ZNRF2: variants seen among roughly 807,000 people sequenced by gnomAD.
The protein encoded by ZNRF2 is E3 ubiquitin-protein ligase ZNRF2.
Under a neutral mutation model 20.4 loss-of-function variants are expected in ZNRF2, and 16 were observed. The ratio of observed to expected loss-of-function variants is 0.79; its 90% CI spans 0.53 to 1.19. The LOEUF is 1.19. Ranked by LOEUF, ZNRF2 falls within the 50% of genes most tolerant of loss-of-function variation. The pLI, the probability that ZNRF2 is intolerant of heterozygous loss-of-function variation, is 0.00. For missense variants in ZNRF2, 363 were observed against 332.4 expected, an observed-to-expected ratio of 1.09 and a Z score of -0.72; for synonymous variants, 178 against 144.9, an observed-to-expected ratio of 1.23 and a Z score of -1.64.
In ZNRF2 at chr7:30,326,509, C is replaced by G. The variant is rs538570980; in HGVS notation, c.565+2772C>G. Among the ~76,000 whole-genome samples the G allele has an allele frequency of 2.6e-5, 4 of 152,190 alleles. No homozygotes were observed. In the East Asian group the frequency reaches 7.7e-4, roughly 29 times the overall value. On this transcript the variant is annotated intron_variant, in intron 2 of 4. Coordinates refer to ENST00000323037, the MANE Select transcript of ZNRF2 (RefSeq NM_147128.4). Reference sequence around the variant, plus strand: ...GTAGTATTCACACGGTATATATGGACCCACATTTTCTTTATCCAGTCTATC... The same window carrying G: ...GTAGTATTCACACGGTATATATGGAGCCACATTTTCTTTATCCAGTCTATC...
chr7:30,297,724 GCTTT>G (rs2128056845), intron 1 of ZNRF2, among the ~76,000 whole-genome samples: 1 of 146,062 alleles, frequency 6.8e-6, no homozygotes, highest in African/African-American at 2.8e-5. Context: ...TGAGTCAGCT[GCTTT>G]CTGTGATTTT....
At chr7:30,359,551 G>A (rs930095063) in intron 3 of ZNRF2, among the ~76,000 whole-genome samples, 1 of 143,826 alleles carries the variant, frequency 7.0e-6, no homozygotes, top group Non-Finnish European at 1.5e-5. Context: ...AACAGCAGAT[G>A]AAAGTATATG....
chr7:30,314,896 A>G (rs969100611), intron 1 of ZNRF2, among the ~76,000 whole-genome samples: 3 of 151,694 alleles, frequency 2.0e-5, no homozygotes, highest in African/African-American at 7.3e-5. Flanking sequence ...GGCTCACTGC[A>G]AGCTCTGCCT....
chr7:30,311,573 C>T (rs1351767990), intron 1 of ZNRF2, among the ~76,000 whole-genome samples: 2 of 152,164 alleles, frequency 1.3e-5, no homozygotes, highest in Non-Finnish European at 2.9e-5. Flanking sequence ...AGACTAACTG[C>T]AGATGTGTTA....
At chr7:30,286,607 GTACTT>G (rs1266994933) in intron 1 of ZNRF2, among the ~76,000 whole-genome samples, 1 of 152,208 alleles carries the variant, frequency 6.6e-6, no homozygotes, top group Non-Finnish European at 1.5e-5. Context: ...GCAAAGTGAT[GTACTT>G]TACTACAGAA....
intron 1 of ZNRF2, among the ~76,000 whole-genome samples, chr7:30,316,729 A>G (rs912251778): frequency 6.6e-6 from 1 of 152,210 alleles, no homozygotes; most frequent in African/African-American, 2.4e-5. Flanking sequence ...CCTTTATAGC[A>G]GAAAGTTTAC....
At chr7:30,323,232 A>G (rs1799502362) in intron 1 of ZNRF2, among the ~76,000 whole-genome samples, 1 of 151,632 alleles carries the variant, frequency 6.6e-6, no homozygotes, top group African/African-American at 2.4e-5. Context: ...GTTTAGCTAT[A>G]AAACTTGTGA....
chr7:30,332,343 A>C (rs550887422), intron 2 of ZNRF2, among the ~76,000 whole-genome samples: 1 of 152,178 alleles, frequency 6.6e-6, no homozygotes, highest in Non-Finnish European at 1.5e-5. Flanking sequence ...TGAGAGGTAA[A>C]CATGCTGTAG....
intron 1 of ZNRF2, among the ~76,000 whole-genome samples, chr7:30,298,439 A>G (rs1488333654): frequency 2.6e-5 from 4 of 152,204 alleles, no homozygotes; most frequent in African/African-American, 4.8e-5. Context: ...CTGTGCATGT[A>G]GTGTCCTCTG....
At chr7:30,286,548 TGACTA>T (rs1798793841) in intron 1 of ZNRF2, among the ~76,000 whole-genome samples, 1 of 152,256 alleles carries the variant, frequency 6.6e-6, no homozygotes. Context: ...AGAGCAGTGT[TGACTA>T]GAGTTAAGGA....
At chr7:30,303,281 A>G (rs1044679182) in intron 1 of ZNRF2, among the ~76,000 whole-genome samples, 3 of 151,162 alleles carry the variant, frequency 2.0e-5, no homozygotes, top group Non-Finnish European at 4.5e-5. Context: ...AAAAAAAGAA[A>G]AAGAAAAAGA....
At chr7:30,324,441 C>T (rs1001186022) in intron 2 of ZNRF2, among the ~76,000 whole-genome samples, 1 of 150,658 alleles carries the variant, frequency 6.6e-6, no homozygotes, top group Non-Finnish European at 1.5e-5. Context: ...CCTAGCTACT[C>T]GGGAGGCTGA....
intron 1 of ZNRF2, among the ~76,000 whole-genome samples, chr7:30,301,499 T>C (rs1799113798): frequency 6.6e-6 from 1 of 151,780 alleles, no homozygotes; most frequent in African/African-American, 2.4e-5. Flanking sequence ...GATAAATAAA[T>C]AAAAGCTAGA....
intron 1 of ZNRF2, among the ~76,000 whole-genome samples, chr7:30,299,987 T>C (rs1198651613): frequency 2.0e-5 from 3 of 151,836 alleles, no homozygotes; most frequent in South Asian, 2.1e-4. Flanking sequence ...GTTTTCACTG[T>C]GTTAGCCAGG....
chr7:30,334,293 C>G (rs574781182), intron 2 of ZNRF2, among the ~76,000 whole-genome samples: 5 of 152,168 alleles, frequency 3.3e-5, no homozygotes, highest in African/African-American at 1.2e-4. Context: ...TGTGGAAGAT[C>G]AGTTGGTTAT....
At chr7:30,361,564 T>C (rs1023353677) in intron 3 of ZNRF2, among the ~76,000 whole-genome samples, 7 of 152,234 alleles carry the variant, frequency 4.6e-5, no homozygotes, top group African/African-American at 9.6e-5. Flanking sequence ...AGCTAGTTAG[T>C]AGACCTTGAT....
At position 30,366,861 on chromosome 7, in the gene ZNRF2, A is replaced by G. The variant is rs1800225916; in HGVS notation, c.*849A>G. ...AAAAAAATACAGATTACCAATTTCA[A>G]GTGCTGCCAGCTAAAATAACTGTTT... is the stretch of plus-strand genomic sequence containing the variant. On this transcript the variant is annotated 3_prime_UTR_variant, in exon 5 of 5. Transcript: ENST00000323037. The G allele has an allele frequency of 6.6e-6, 1 of 152,566 alleles. No individual in the cohort carries two copies. The highest frequency in any genetic ancestry group is 2.4e-5 in the African/African-American group (1 of 41,460). 9.5% of individuals were successfully genotyped at this position (152,566 alleles called of 1,614,324 possible). A position where few individuals can be genotyped will look rare whatever the true frequency, so the allele number is the denominator to read the frequency against.
rs142290977 is a variant in ZNRF2, at chr7:30,323,723, G to A, written c.551G>A (p.Arg184Gln). 40 of 1,588,650 alleles carry A rather than the reference G, an allele frequency of 2.5e-5. No homozygotes were observed. The African/African-American group carries it at 3.8e-4, about 15-fold the overall frequency. The part of the protein sequence containing the change: ...LHLVMCLTKP[R>Q]ITYNEDVLSK... The stretch of plus-strand genomic sequence containing the variant: ...CTTGTAATGTGTTTAACAAAGCCAC[G>A]AATAACCTATAATGGTAAGTCCAAT... Residue 184 changes from arginine to glutamine, a missense_variant, in exon 2 of 5, where the codon CGA (arginine) becomes CAA (glutamine). Coordinates refer to ENST00000323037, the MANE Select transcript of ZNRF2 (RefSeq NM_147128.4).
intron 1 of ZNRF2, among the ~76,000 whole-genome samples, chr7:30,311,881 A>G (rs2128060296): frequency 6.6e-6 from 1 of 152,296 alleles, no homozygotes; most frequent in Middle Eastern, 3.4e-3. Flanking sequence ...TAGTTGTGAT[A>G]GTAATCTGTT....
Sources: gnomAD v4.1 joint callset for allele counts (sites outside exome capture counted in the v4.1 genomes callset) on GRCh38, gnomAD v4.1.1 for gene constraint, MANE v1.5 for transcripts, NCBI Gene and HGNC (gene_info 2026-07-23, HGNC 2026-07-21) for gene names.